The following FANCC variants were observed in gnomAD, a reference collection of about 807,000 sequenced individuals.
FANCC encodes Fanconi anemia group C protein.
A neutral mutation model predicts 71.3 loss-of-function variants in FANCC; 55 were observed. The ratio of observed to expected loss-of-function variants is 0.77; its 90% CI spans 0.62 to 0.97. The LOEUF (loss-of-function observed/expected upper bound fraction) is 0.97, where lower values mean the gene tolerates loss of function less well. Among genes scored for constraint, FANCC ranks in the 50% least tolerant of loss-of-function variants. FANCC has a pLI of 0.00. For missense variants in FANCC, 678 were observed against 670.9 expected, an observed-to-expected ratio of 1.01 and a Z score of -0.12; for synonymous variants, 275 against 244.9, an observed-to-expected ratio of 1.12 and a Z score of -1.15.
intron 7 of FANCC, among the ~76,000 whole-genome samples, chr9:95,145,013 C>T (rs923666221): frequency 2.6e-5 from 4 of 152,128 alleles, no homozygotes; most frequent in African/African-American, 9.7e-5. Context: ...GCCATGAAAC[C>T]TGCATTTTGA....
intron 1 of FANCC, among the ~76,000 whole-genome samples, chr9:95,275,518 A>G (rs1172880061): frequency 6.6e-6 from 1 of 152,012 alleles, no homozygotes; most frequent in African/African-American, 2.4e-5. Context: ...GTATCAATGC[A>G]TGTTCATCAA....
At chr9:95,208,780 G>A (rs1006081518) in intron 4 of FANCC, among the ~76,000 whole-genome samples, 4 of 152,262 alleles carry the variant, frequency 2.6e-5, no homozygotes, top group Non-Finnish European at 4.4e-5. Flanking sequence ...ACTCTCATCC[G>A]CTGCTGATGG....
intron 1 of FANCC, among the ~76,000 whole-genome samples, chr9:95,303,109 G>T (rs1564842422): frequency 6.6e-6 from 1 of 152,222 alleles, no homozygotes; most frequent in Non-Finnish European, 1.5e-5. Context: ...GGATGGAAAG[G>T]TTCTGGCTCT....
chr9:95,293,708 T>C (rs1834199576), intron 1 of FANCC: 5 of 1,613,830 alleles, frequency 3.1e-6, no homozygotes, highest in Admixed American at 1.7e-5. Flanking sequence ...TTCCCATTAG[T>C]GTTCACACTC....
intron 7 of FANCC, among the ~76,000 whole-genome samples, chr9:95,149,602 C>T (rs915558230): frequency 6.6e-6 from 1 of 152,002 alleles, no homozygotes; most frequent in Admixed American, 6.6e-5. Context: ...ACTCAGCCCC[C>T]CTAGTAGCTG....
chr9:95,312,465 C>A (rs1382333269), intron 1 of FANCC, among the ~76,000 whole-genome samples: 1 of 152,180 alleles, frequency 6.6e-6, no homozygotes, highest in African/African-American at 2.4e-5. Flanking sequence ...CTGGGCTCAA[C>A]GATCCTCCCA....
intron 3 of FANCC, among the ~76,000 whole-genome samples, chr9:95,243,497 A>G (rs1270872700): frequency 6.6e-6 from 1 of 152,072 alleles, no homozygotes; most frequent in Non-Finnish European, 1.5e-5. Flanking sequence ...TTAAAAAGCA[A>G]TTTTGGGCCA....
At position 95,219,769 on chromosome 9, in the gene FANCC, G is replaced by A. The variant is rs145624454; in HGVS notation, c.345+20880C>T. ...ACCTAAAACCATAAAAACCCTAGAA[G>A]AAAACCTAGGCGTACCATTCAGGAT... On this transcript the variant is annotated intron_variant, in intron 4 of 14. Transcript: ENST00000289081. Among the ~76,000 whole-genome samples, 480 of 152,258 alleles carry A rather than the reference G, an allele frequency of 3.2e-3. 9 individuals carry two copies. The East Asian group carries it at 0.044, about 14-fold the overall frequency.
intron 1 of FANCC, among the ~76,000 whole-genome samples, chr9:95,279,652 A>G (rs1158768959): frequency 6.6e-6 from 1 of 152,198 alleles, no homozygotes; most frequent in East Asian, 1.9e-4. Flanking sequence ...TGAGTGGAAT[A>G]AACAATCCCA....
intron 1 of FANCC, among the ~76,000 whole-genome samples, chr9:95,302,097 A>G (rs947858987): frequency 6.6e-6 from 1 of 150,740 alleles, no homozygotes; most frequent in African/African-American, 2.4e-5. Context: ...AAAAAAAAAA[A>G]CAAAGAAAAA....
chr9:95,285,112 T>C (rs568583243), intron 1 of FANCC, among the ~76,000 whole-genome samples: 16 of 152,064 alleles, frequency 1.1e-4, no homozygotes, highest in African/African-American at 2.7e-4. Flanking sequence ...AAAAAAACCA[T>C]AGACATGTAA....
At chr9:95,219,088 C>T (rs1829062631) in intron 4 of FANCC, among the ~76,000 whole-genome samples, 1 of 152,174 alleles carries the variant, frequency 6.6e-6, no homozygotes, top group African/African-American at 2.4e-5. Flanking sequence ...TTCTTCATTG[C>T]CTGACTCAGA....
At chr9:95,201,601 A>G (rs1213018384) in intron 4 of FANCC, among the ~76,000 whole-genome samples, 1 of 152,216 alleles carries the variant, frequency 6.6e-6, no homozygotes, top group Non-Finnish European at 1.5e-5. Context: ...TTTTTCAGTG[A>G]AAAAAAGAAA....
intron 7 of FANCC, among the ~76,000 whole-genome samples, chr9:95,139,805 T>C (rs892336604): frequency 4.0e-5 from 6 of 148,608 alleles, no homozygotes; most frequent in Admixed American, 2.0e-4. Flanking sequence ...GCTGTATTGT[T>C]TGACCTGACA....
intron 4 of FANCC, among the ~76,000 whole-genome samples, chr9:95,211,073 C>T (rs1316537151): frequency 2.0e-5 from 3 of 152,318 alleles, no homozygotes; most frequent in South Asian, 4.1e-4. Flanking sequence ...TTATATGTAT[C>T]CTCCTGCTAC....
intron 1 of FANCC, among the ~76,000 whole-genome samples, chr9:95,295,221 A>C (rs1019246676): frequency 6.6e-6 from 1 of 152,216 alleles, no homozygotes; most frequent in Non-Finnish European, 1.5e-5. Flanking sequence ...ATGTCTTCAC[A>C]GCAAAGAAAA....
intron 1 of FANCC, among the ~76,000 whole-genome samples, chr9:95,289,164 G>A (rs1478723592): frequency 1.3e-5 from 2 of 152,024 alleles, no homozygotes; most frequent in African/African-American, 4.8e-5. Flanking sequence ...TTATTACTCT[G>A]TTTTCTATAG....
chr9:95,144,861 C>T (rs558804719), intron 7 of FANCC, among the ~76,000 whole-genome samples: 1 of 152,184 alleles, frequency 6.6e-6, no homozygotes, highest in Non-Finnish European at 1.5e-5. Flanking sequence ...CCGCGCCGCA[C>T]GTTCACAACG....
At chr9:95,214,025 A>T (rs1284635455) in intron 4 of FANCC, among the ~76,000 whole-genome samples, 2 of 152,232 alleles carry the variant, frequency 1.3e-5, no homozygotes, top group Non-Finnish European at 2.9e-5. Context: ...ACAAATAGCT[A>T]ACAAGCACAT....
Sources: allele counts gnomAD v4.1 joint callset (sites outside exome capture counted in the v4.1 genomes callset), GRCh38; gene constraint gnomAD v4.1.1; transcripts MANE v1.5; gene names NCBI Gene and HGNC (gene_info 2026-07-23, HGNC 2026-07-21).